DPEP1: variants seen among roughly 807,000 people sequenced by gnomAD.
DPEP1 encodes the protein dipeptidase 1.
Under a neutral mutation model 42.3 loss-of-function variants are expected in DPEP1, and 50 were observed. The ratio of observed to expected loss-of-function variants is 1.18; its 90% CI spans 0.94 to 1.50. The LOEUF (loss-of-function observed/expected upper bound fraction) is 1.50, where lower values mean the gene tolerates loss of function less well. DPEP1 is among the 40% of genes most tolerant of loss of function. The probability of loss-of-function intolerance (pLI) is 0.00; values close to 1 mark genes in which losing one functional copy is unlikely to be tolerated. For missense variants in DPEP1, 663 were observed against 553.0 expected (o/e 1.20, Z -1.99); for synonymous variants, 297 against 234.0 (o/e 1.27, Z -2.46).
At position 89,636,934 on chromosome 16, in the gene DPEP1, A is replaced by G. The variant is rs2059688658; in HGVS notation, c.590A>G (p.Gln197Arg). 1 of 1,612,292 alleles carries G rather than the reference A, an allele frequency of 6.2e-7. No individual in the cohort carries two copies. The highest frequency in any genetic ancestry group is 1.3e-5 in the African/African-American group (1 of 75,054). ...AGCCAAGGCTTGTCACCCTTTGGGC[A>G]GGTGAGTGGGGTGGGAGCGGCCAGT... is the stretch of plus-strand genomic sequence containing the variant. ...PQSQGLSPFGQRVVKELNRLG... is the reference protein window; with the variant it reads ...PQSQGLSPFGRRVVKELNRLG... The change falls in exon 6 of 11, where the codon CAG becomes CGG. Residue 197 changes from glutamine to arginine, a missense_variant and splice_region_variant. Physicochemically the swap from Gln to Arg is conservative, Grantham distance 43. Coordinates refer to ENST00000690203, the MANE Select transcript of DPEP1 (RefSeq NM_001389466.1).
downstream of DPEP1, among the ~76,000 whole-genome samples, chr16:89,639,834 C>T (rs2059730659): frequency 6.6e-6 from 1 of 152,092 alleles, no homozygotes; most frequent in African/African-American, 2.4e-5. Context: ...TACAGATGTG[C>T]GCCACCACAC....
At chr16:89,634,330 G>A (rs1006066426) in intron 2 of DPEP1, among the ~76,000 whole-genome samples, 17 of 152,106 alleles carry the variant, frequency 1.1e-4, no homozygotes, top group African/African-American at 3.4e-4. Context: ...CTTGTGATCT[G>A]CCCACCTCGG....
intron 6 of DPEP1, 24 bp from the exon 7 acceptor site, chr16:89,637,180 G>A: frequency 6.2e-7 from 1 of 1,606,132 alleles, no homozygotes; most frequent in Non-Finnish European, 8.5e-7. Context: ...GGCTGTGAGG[G>A]TGGACGGAGC....
intron 8 of DPEP1, 30 bp from the exon 9 acceptor site, chr16:89,637,602 C>A: frequency 6.2e-7 from 1 of 1,612,774 alleles, no homozygotes; most frequent in African/African-American, 1.3e-5. Context: ...GGGCCTCACT[C>A]GGGACCCATA....
chr16:89,638,389 G>A lies in DPEP1; in HGVS notation c.*167G>A. 9 of 1,405,712 alleles carry A rather than the reference G, an allele frequency of 6.4e-6. No homozygotes were observed. The highest frequency in any genetic ancestry group is 1.7e-5 in the South Asian group (1 of 59,916). The allele number at this position is 1,405,712 out of a possible 1,614,324, so 87.1% of individuals were successfully genotyped here. A position where few individuals can be genotyped will look rare whatever the true frequency, so the allele number is the denominator to read the frequency against. ...GGCAGGATGCCTGGGGACAGTTCAG[G>A]ACACACACACAGTAGGCCCGCAATA... On this transcript the variant is annotated 3_prime_UTR_variant, in exon 11 of 11. Coordinates refer to ENST00000690203, the MANE Select transcript of DPEP1 (RefSeq NM_001389466.1).
intron 1 of DPEP1, among the ~76,000 whole-genome samples, chr16:89,615,800 C>T (rs965529131): frequency 3.9e-5 from 6 of 152,166 alleles, no homozygotes; most frequent in African/African-American, 1.4e-4. Flanking sequence ...ACGGGGGCCC[C>T]GGGGTCCTGG....
upstream of DPEP1, chr16:89,613,628 G>A (rs1268066636): frequency 6.6e-6 from 1 of 152,512 alleles, no homozygotes; most frequent in Non-Finnish European, 1.5e-5. Flanking sequence ...GGCAGCAGGT[G>A]GCCGGGTAGG....
At chr16:89,628,096 T>G (rs111361914) in intron 1 of DPEP1, among the ~76,000 whole-genome samples, 2 of 151,218 alleles carry the variant, frequency 1.3e-5, no homozygotes, top group Non-Finnish European at 3.0e-5. Flanking sequence ...CTAATTTTTT[T>G]TATTTTTGGT....
At chr16:89,634,330 GC>G (rs1211701725) in intron 2 of DPEP1, among the ~76,000 whole-genome samples, 5 of 151,988 alleles carry the variant, frequency 3.3e-5, no homozygotes, top group Non-Finnish European at 7.4e-5. Flanking sequence ...CTTGTGATCT[GC>G]CCACCTCGGC....
At chr16:89,614,638 A>G (rs909799742) in intron 1 of DPEP1, among the ~76,000 whole-genome samples, 1 of 152,094 alleles carries the variant, frequency 6.6e-6, no homozygotes, top group Non-Finnish European at 1.5e-5. Flanking sequence ...AATAAAAAAT[A>G]CAAAAAATTA....
At position 89,637,316 on chromosome 16, in the gene DPEP1, A is replaced by G. The variant is rs760575879; in HGVS notation, c.704A>G (p.His235Arg). The G allele has an allele frequency of 1.2e-5, 19 of 1,611,854 alleles. No homozygotes were observed. In the Middle Eastern group the frequency reaches 4.9e-4, roughly 42 times the overall value. Reference protein sequence around the residue: ...QLSRAPVIFSHSSAYSVCASR... With the variant: ...QLSRAPVIFSRSSAYSVCASR... The stretch of plus-strand genomic sequence containing the variant: ...TCCAGAGCCCCGGTCATCTTCAGCC[A>G]CTCCTCGGCCTACAGCGTGTGCGCA... Residue 235 changes from histidine (H) to arginine (R), a missense_variant, in exon 7 of 11, where the codon CAC becomes CGC. By Grantham distance (29) the His-to-Arg change is conservative. Transcript: ENST00000690203.
chr16:89,636,694 C>T lies in DPEP1; in HGVS notation c.521+11C>T, dbSNP rs758914393. ...CTGCAACACGCCCTGGTGCGTGACT[C>T]CCCATGGGAGGCCCCCGGGCTGTGG... On this transcript the variant is annotated intron_variant, in intron 5 of 10. Coordinates refer to ENST00000690203, the MANE Select transcript of DPEP1 (RefSeq NM_001389466.1). 22 of 1,611,908 alleles carry T rather than the reference C, an allele frequency of 1.4e-5. No homozygotes were observed. In the South Asian group the frequency reaches 2.3e-4, roughly 17 times the overall value.
intron 5 of DPEP1, 28 bp downstream of exon 5, chr16:89,636,711 G>T (rs772194577): frequency 1.2e-6 from 2 of 1,610,454 alleles, no homozygotes; most frequent in African/African-American, 1.3e-5. Context: ...GGAGGCCCCC[G>T]GGCTGTGGTC....
At chr16:89,618,698 G>A (rs2059406280) in intron 1 of DPEP1, among the ~76,000 whole-genome samples, 2 of 151,962 alleles carry the variant, frequency 1.3e-5, no homozygotes, top group South Asian at 4.1e-4. Context: ...AGGTCTCCTT[G>A]TGTTGCCCCG....
Position 89,637,824 on chromosome 16 carries a change from G to A in DPEP1, c.930-12G>A. 6.2e-7 allele frequency: 1 copy of A among 1,612,696 alleles called. No individual in the cohort carries two copies. The highest frequency in any genetic ancestry group is 8.5e-7 in the Non-Finnish European group (1 of 1,179,864). On this transcript the variant is annotated splice_polypyrimidine_tract_variant and intron_variant, in intron 9 of 10. Coordinates refer to ENST00000690203, the MANE Select transcript of DPEP1 (RefSeq NM_001389466.1). ...TAGTGTGGGGGCCCAGGTTCTCCTG[G>A]CCTCAACACAGGGTCCCTGAGGGGC...
In DPEP1 at chr16:89,637,629, C is replaced by G. The variant is rs758407895; in HGVS notation, c.854-3C>G. 1.1e-5 allele frequency: 17 copies of G among 1,612,812 alleles called. No homozygotes were observed. The East Asian group carries it at 3.8e-4, about 36-fold the overall frequency. On this transcript the variant is annotated splice_region_variant and splice_polypyrimidine_tract_variant and intron_variant, in intron 8 of 10. Coordinates refer to ENST00000690203, the MANE Select transcript of DPEP1 (RefSeq NM_001389466.1). ...GGACCCATACCTGCTGCTCCCTGGA[C>G]AGACCATCTGGATCACATCAAGGAG...
At chr16:89,641,422 G>C (rs1270320206), downstream of DPEP1, among the ~76,000 whole-genome samples, 1 of 152,192 alleles carries the variant, frequency 6.6e-6, no homozygotes, top group Non-Finnish European at 1.5e-5. Flanking sequence ...CTCATCTTGT[G>C]GTCGCTTCTC....
chr16:89,631,075 C>T (rs2059581715), intron 2 of DPEP1, among the ~76,000 whole-genome samples: 1 of 152,102 alleles, frequency 6.6e-6, no homozygotes, highest in African/African-American at 2.4e-5. Flanking sequence ...CACCCTGTGC[C>T]TCAGCTTCTC....
intron 1 of DPEP1, among the ~76,000 whole-genome samples, chr16:89,617,334 G>A (rs888572900): frequency 6.6e-6 from 1 of 152,104 alleles, no homozygotes; most frequent in African/African-American, 2.4e-5. Context: ...TGAGAGGTGA[G>A]GGGAAAAGCG....
Sources: gnomAD v4.1 joint callset for allele counts (sites outside exome capture counted in the v4.1 genomes callset) on GRCh38, gnomAD v4.1.1 for gene constraint, MANE v1.5 for transcripts, NCBI Gene and HGNC (gene_info 2026-07-23, HGNC 2026-07-21) for gene names.